Variants in PIP4K2A observed in about 807,000 individuals in gnomAD.
PIP4K2A encodes phosphatidylinositol-5-phosphate 4-kinase type 2 alpha.
In PIP4K2A, 14 loss-of-function variants were observed where a neutral mutation model predicts 42.9. The ratio of observed to expected loss-of-function variants is 0.33; its 90% CI spans 0.22 to 0.51. PIP4K2A has a LOEUF of 0.51. Ranked by LOEUF, PIP4K2A falls within the 20% of genes least tolerant of loss-of-function variation. The pLI, the probability that PIP4K2A is intolerant of heterozygous loss-of-function variation, is 0.97. For synonymous variants in PIP4K2A, 192 were observed against 192.2 expected (o/e 1.00, Z 0.01); for missense variants, 434 against 519.8 (o/e 0.83, Z 1.61).
chr10:22,681,679 A>G (rs1480299901), intron 1 of PIP4K2A, among the ~76,000 whole-genome samples: 1 of 152,098 alleles, frequency 6.6e-6, no homozygotes, highest in East Asian at 1.9e-4. Flanking sequence ...TATTTCTAAA[A>G]AAAAATAAAA....
chr10:22,641,561 T>C (rs1189348699), intron 1 of PIP4K2A, among the ~76,000 whole-genome samples: 1 of 151,662 alleles, frequency 6.6e-6, no homozygotes, highest in Non-Finnish European at 1.5e-5. Flanking sequence ...CCCACCTCAA[T>C]GTCCCAAGTA....
At chr10:22,647,169 C>T (rs1267419852) in intron 1 of PIP4K2A, among the ~76,000 whole-genome samples, 1 of 152,102 alleles carries the variant, frequency 6.6e-6, no homozygotes, top group Non-Finnish European at 1.5e-5. Context: ...ATTATTATTA[C>T]TCTCATTATT....
chr10:22,575,291 C>T (rs1233105644), intron 4 of PIP4K2A, among the ~76,000 whole-genome samples: 2 of 152,278 alleles, frequency 1.3e-5, no homozygotes, highest in East Asian at 1.9e-4. Flanking sequence ...GTGGGGTCTG[C>T]TCCGAGGCAG....
Position 22,584,406 on chromosome 10 carries a change from A to G in PIP4K2A, c.492+7223T>C, listed in dbSNP as rs750604506. 1.8e-4 allele frequency among the ~76,000 whole-genome samples: 28 copies of G among 152,244 alleles called. No individual in the cohort carries two copies. In the Middle Eastern group the frequency reaches 0.01, roughly 55 times the overall value. On this transcript the variant is annotated intron_variant, in intron 4 of 9. Coordinates refer to ENST00000376573, the MANE Select transcript of PIP4K2A (RefSeq NM_005028.5). Reference sequence around the variant, plus strand: ...AGAATTCACCCAGAATTGGGCAGAGATGTTTGGAGATGGAAAATGGAAAAG... The same window carrying G: ...AGAATTCACCCAGAATTGGGCAGAGGTGTTTGGAGATGGAAAATGGAAAAG...
intron 5 of PIP4K2A, among the ~76,000 whole-genome samples, chr10:22,569,277 C>T (rs924930574): frequency 2.0e-5 from 3 of 152,230 alleles, no homozygotes; most frequent in Admixed American, 1.3e-4. Context: ...AGGGACGCTG[C>T]TGCTGGCCCA....
chr10:22,551,325 C>A (rs948366677), intron 6 of PIP4K2A, among the ~76,000 whole-genome samples: 9 of 152,184 alleles, frequency 5.9e-5, no homozygotes, highest in African/African-American at 1.9e-4. Flanking sequence ...TCCAAGCCTT[C>A]CTGTTCACCA....
Position 22,573,474 on chromosome 10 carries a change from GAA to G in PIP4K2A, c.493-19_493-18del. 6.3e-7 allele frequency: 1 copy of G among 1,586,626 alleles called. No homozygotes were observed. The highest frequency in any genetic ancestry group is 2.2e-5 in the East Asian group (1 of 44,600). On this transcript the variant is annotated intron_variant, in intron 4 of 9. Transcript: ENST00000376573. ...CACTATGTACTGCATAGGAGAGAAAGAAAAAGGAAAAAAACATCCAATCAAAA... is the reference window on the plus strand; with the variant it reads ...CACTATGTACTGCATAGGAGAGAAAGAAAGGAAAAAAACATCCAATCAAAA...
intron 6 of PIP4K2A, among the ~76,000 whole-genome samples, chr10:22,562,222 A>T (rs1438604967): frequency 7.6e-5 from 8 of 105,004 alleles, no homozygotes; most frequent in African/African-American, 2.6e-4. Flanking sequence ...GACTTTTTTT[A>T]AAAGTTAAAA....
chr10:22,579,985 G>T (rs181186059), intron 4 of PIP4K2A, among the ~76,000 whole-genome samples: 12 of 151,944 alleles, frequency 7.9e-5, no homozygotes, highest in African/African-American at 2.7e-4. Flanking sequence ...AGGGAAACAA[G>T]ACCTGCTCAT....
At chr10:22,613,183 G>A (rs1211488627) in intron 1 of PIP4K2A, among the ~76,000 whole-genome samples, 2 of 152,118 alleles carry the variant, frequency 1.3e-5, no homozygotes, top group East Asian at 3.9e-4. Context: ...GAACGGCACA[G>A]GAGGTCCTTG....
intron 1 of PIP4K2A, among the ~76,000 whole-genome samples, chr10:22,618,770 G>C (rs1388955038): frequency 6.6e-6 from 1 of 152,180 alleles, no homozygotes; most frequent in African/African-American, 2.4e-5. Context: ...GTAGTAGGCT[G>C]CCTGGCTGAC....
chr10:22,606,545 C>A (rs1204779775), intron 3 of PIP4K2A, among the ~76,000 whole-genome samples: 6 of 152,246 alleles, frequency 3.9e-5, no homozygotes, highest in African/African-American at 1.2e-4. Context: ...CTCTCTCATG[C>A]CTGAGTAAAC....
rs1835904854 is a variant in PIP4K2A at position 22,535,833 on chromosome 10, G to C, written c.*1368C>G. 3 of 313,988 alleles carry C rather than the reference G, an allele frequency of 9.6e-6. No individual in the cohort carries two copies. The highest frequency in any genetic ancestry group is 3.2e-4 in the South Asian group (2 of 6,254). The allele number at this position is 313,988 out of a possible 1,614,324, so 19.5% of individuals were successfully genotyped here. On this transcript the variant is annotated 3_prime_UTR_variant, in exon 10 of 10. Coordinates refer to ENST00000376573, the MANE Select transcript of PIP4K2A (RefSeq NM_005028.5). ...CAATGAACTTTCATAAACCAGACTG[G>C]GGCGAAATCTCTTTTTAAAAAAATC...
chr10:22,634,364 A>G (rs759878740), intron 1 of PIP4K2A, among the ~76,000 whole-genome samples: 17 of 152,228 alleles, frequency 1.1e-4, no homozygotes, highest in Non-Finnish European at 2.2e-4. Context: ...GTTTATTTTC[A>G]AGTTTGTTTC....
intron 1 of PIP4K2A, among the ~76,000 whole-genome samples, chr10:22,630,194 G>A (rs1044210356): frequency 2.7e-5 from 4 of 149,604 alleles, no homozygotes; most frequent in Admixed American, 6.6e-5. Context: ...AAAAAAGCCA[G>A]GTATGGTGGC....
chr10:22,540,866 T>G (rs189704176), intron 8 of PIP4K2A, among the ~76,000 whole-genome samples: 3 of 152,214 alleles, frequency 2.0e-5, no homozygotes, highest in Non-Finnish European at 4.4e-5. Flanking sequence ...GTGTCTGTTT[T>G]CTATCCATTT....
chr10:22,612,159 C>T (rs535557030), intron 1 of PIP4K2A, among the ~76,000 whole-genome samples: 9 of 152,336 alleles, frequency 5.9e-5, no homozygotes, highest in African/African-American at 1.9e-4. Context: ...CCCATCCTCG[C>T]GTCAGCACAA....
intron 1 of PIP4K2A, among the ~76,000 whole-genome samples, chr10:22,638,063 C>A (rs1014526379): frequency 1.3e-5 from 2 of 152,166 alleles, no homozygotes; most frequent in Non-Finnish European, 2.9e-5. Flanking sequence ...AACAGTCCCC[C>A]AGGACCAAAG....
intron 1 of PIP4K2A, among the ~76,000 whole-genome samples, chr10:22,627,964 T>A (rs576954811): frequency 4.8e-4 from 73 of 152,338 alleles, no homozygotes; most frequent in Middle Eastern, 3.4e-3. Flanking sequence ...ATCTATTCAT[T>A]TTTGCACACT....
Sources: allele counts gnomAD v4.1 joint callset (sites outside exome capture counted in the v4.1 genomes callset), GRCh38; gene constraint gnomAD v4.1.1; transcripts MANE v1.5; gene names NCBI Gene and HGNC (gene_info 2026-07-23, HGNC 2026-07-21).